SPATA16: variants seen among roughly 807,000 people sequenced by gnomAD.
SPATA16 encodes the protein spermatogenesis-associated protein 16.
A neutral mutation model predicts 63.3 loss-of-function variants in SPATA16; 36 were observed. That is an observed-to-expected ratio of 0.57 (90% CI 0.44 to 0.75). The LOEUF (loss-of-function observed/expected upper bound fraction) is 0.75, where lower values mean the gene tolerates loss of function less well. Among genes scored for constraint, SPATA16 ranks in the 30% least tolerant of loss-of-function variants. The pLI is 0.00. For synonymous variants in SPATA16, 203 were observed against 216.7 expected, an observed-to-expected ratio of 0.94 and a Z score of 0.56; for missense variants, 646 against 679.3, an observed-to-expected ratio of 0.95 and a Z score of 0.54.
Position 172,940,890 on chromosome 3 carries a change from G to A in SPATA16, c.1082-15398C>T, listed in dbSNP as rs182753592. On this transcript the variant is annotated intron_variant, in intron 6 of 10. Transcript: ENST00000351008. ...CACAGCTACTCGGGAGGCTGAGGCA[G>A]GAGAATTGCTTGAACCCGGGAGGCG... 1.6e-3 allele frequency among the ~76,000 whole-genome samples: 249 copies of A among 152,252 alleles called. 1 individual carries two copies. Among genetic ancestry groups the A allele is most frequent in the African/African-American group, 5.6e-3 (233 of 41,538 alleles).
Position 172,889,710 on chromosome 3 carries a change from A to G in SPATA16, c.1588-18T>C, listed in dbSNP as rs1369459616. The G allele has an allele frequency of 6.2e-7, 1 of 1,611,436 alleles. No homozygotes were observed. The highest frequency in any genetic ancestry group is 2.2e-5 in the East Asian group (1 of 44,872). On this transcript the variant is annotated intron_variant, in intron 10 of 10. Transcript: ENST00000351008. ...TGTCCAACCTAGAAGAAATAAACAGATGCAACAAGATTTGTTGTTGTTTTC... is the reference window on the plus strand; with the variant it reads ...TGTCCAACCTAGAAGAAATAAACAGGTGCAACAAGATTTGTTGTTGTTTTC...
At chr3:173,021,722 T>TTTATTTA (rs1735335234) in intron 3 of SPATA16, among the ~76,000 whole-genome samples, 4 of 139,656 alleles carry the variant, frequency 2.9e-5, no homozygotes, top group Non-Finnish European at 6.2e-5. Context: ...CCCTATTACT[T>TTTATTTA]TTTATTTATT....
chr3:173,005,202 T>C (rs1263134609), intron 4 of SPATA16, among the ~76,000 whole-genome samples: 1 of 151,866 alleles, frequency 6.6e-6, no homozygotes, highest in African/African-American at 2.4e-5. Context: ...CACAAGCCTG[T>C]AGTCCCAGCT....
At chr3:173,005,047 G>T (rs987337205) in intron 4 of SPATA16, among the ~76,000 whole-genome samples, 1 of 152,178 alleles carries the variant, frequency 6.6e-6, no homozygotes, top group African/African-American at 2.4e-5. Flanking sequence ...ATCAGGCCGG[G>T]TGCGGTGGCT....
intron 5 of SPATA16, among the ~76,000 whole-genome samples, chr3:172,967,790 G>A (rs1025702018): frequency 2.0e-5 from 3 of 152,130 alleles, no homozygotes; most frequent in African/African-American, 7.2e-5. Flanking sequence ...AGAATCTAAT[G>A]CCTGATGATC....
intron 2 of SPATA16, among the ~76,000 whole-genome samples, chr3:173,106,315 TG>T (rs1415739001): frequency 6.6e-6 from 1 of 152,152 alleles, no homozygotes; most frequent in Non-Finnish European, 1.5e-5. Flanking sequence ...TTTACCTTGG[TG>T]TTTTCTCTTT....
chr3:172,955,281 G>A (rs528408539), intron 6 of SPATA16, among the ~76,000 whole-genome samples: 10 of 152,118 alleles, frequency 6.6e-5, no homozygotes, highest in Non-Finnish European at 8.8e-5. Flanking sequence ...ATCTCTCTTC[G>A]TTACCAATGG....
At chr3:173,062,998 T>TGC (rs1736420906) in intron 2 of SPATA16, among the ~76,000 whole-genome samples, 1 of 152,206 alleles carries the variant, frequency 6.6e-6, no homozygotes, top group South Asian at 2.1e-4. Flanking sequence ...CCTCCTGCTG[T>TGC]GCGGCCCTGT....
At chr3:173,114,794 T>C (rs560855683) in intron 2 of SPATA16, among the ~76,000 whole-genome samples, 11 of 152,354 alleles carry the variant, frequency 7.2e-5, no homozygotes, top group African/African-American at 2.4e-4. Context: ...CTTTAAATGA[T>C]ATGTGAGAGC....
chr3:173,020,220 C>T (rs1196470900), intron 3 of SPATA16, among the ~76,000 whole-genome samples: 2 of 151,838 alleles, frequency 1.3e-5, no homozygotes, highest in African/African-American at 4.8e-5. Context: ...TTGCTTGAAC[C>T]CGGGAGGCAG....
chr3:173,080,915 A>G (rs1253050742), intron 2 of SPATA16, among the ~76,000 whole-genome samples: 1 of 152,206 alleles, frequency 6.6e-6, no homozygotes, highest in Non-Finnish European at 1.5e-5. Flanking sequence ...AATGATATAC[A>G]GGCTTGGAAA....
At chr3:173,074,434 A>G (rs1206876801) in intron 2 of SPATA16, among the ~76,000 whole-genome samples, 1 of 152,178 alleles carries the variant, frequency 6.6e-6, no homozygotes, top group Non-Finnish European at 1.5e-5. Context: ...GATTTTCTCC[A>G]TACTGTTCTC....
chr3:172,968,696 T>C (rs906349810), intron 5 of SPATA16, among the ~76,000 whole-genome samples: 3 of 151,988 alleles, frequency 2.0e-5, no homozygotes, highest in Non-Finnish European at 4.4e-5. Context: ...AACCAGCAAA[T>C]AATGTCACGG....
intron 6 of SPATA16, among the ~76,000 whole-genome samples, chr3:172,943,923 T>C (rs1733221079): frequency 6.6e-6 from 1 of 152,134 alleles, no homozygotes; most frequent in Admixed American, 6.5e-5. Flanking sequence ...ATTGTAAGAA[T>C]ATAGAAATAG....
At position 173,025,032 on chromosome 3, in the gene SPATA16, T is replaced by G. The variant is rs183241520; in HGVS notation, c.759-5457A>C. On this transcript the variant is annotated intron_variant, in intron 3 of 10. Transcript: ENST00000351008. ...CTTTAAAGAATTATTTAGGACAGCA[T>G]TGTTCAATTTCAAAAGGGTATTTTT... Among the ~76,000 whole-genome samples, 10 of 151,068 alleles carry G rather than the reference T, an allele frequency of 6.6e-5. No homozygotes were observed. In the East Asian group the frequency reaches 1.8e-3, roughly 27 times the overall value.
chr3:172,889,708 A>C lies in SPATA16; in HGVS notation c.1588-16T>G. The C allele has an allele frequency of 6.2e-7, 1 of 1,611,564 alleles. No homozygotes were observed. The highest frequency in any genetic ancestry group is 1.1e-5 in the South Asian group (1 of 91,012). ...TTTGTCCAACCTAGAAGAAATAAACAGATGCAACAAGATTTGTTGTTGTTT... is the reference window on the plus strand; with the variant it reads ...TTTGTCCAACCTAGAAGAAATAAACCGATGCAACAAGATTTGTTGTTGTTT... On this transcript the variant is annotated splice_polypyrimidine_tract_variant and intron_variant, in intron 10 of 10. Transcript: ENST00000351008.
intron 2 of SPATA16, among the ~76,000 whole-genome samples, chr3:173,056,211 A>G (rs1460475328): frequency 1.3e-5 from 2 of 152,218 alleles, no homozygotes; most frequent in Non-Finnish European, 2.9e-5. Context: ...TTGCTATAAA[A>G]TGAGGATTGT....
chr3:172,974,367 A>G (rs540665665), intron 5 of SPATA16, among the ~76,000 whole-genome samples: 1 of 152,072 alleles, frequency 6.6e-6, no homozygotes, highest in Non-Finnish European at 1.5e-5. Flanking sequence ...GTGCATGAAA[A>G]TACAGTCTCT....
In SPATA16 at chr3:173,057,157, G is replaced by T. The variant is rs368576573; in HGVS notation, c.613-8063C>A. ...GGCAGATTCTCGCTCTGTGGCCCAGGCTGGAGTGCAGTGGCGAGATCTTGG... is the reference window on the plus strand; with the variant it reads ...GGCAGATTCTCGCTCTGTGGCCCAGTCTGGAGTGCAGTGGCGAGATCTTGG... On this transcript the variant is annotated intron_variant, in intron 2 of 10. Coordinates refer to ENST00000351008, the MANE Select transcript of SPATA16 (RefSeq NM_031955.6). 8.6e-5 allele frequency among the ~76,000 whole-genome samples: 13 copies of T among 150,640 alleles called. 1 individual carries two copies. Among genetic ancestry groups the T allele is most frequent in the Admixed American group, 2.6e-4 (4 of 15,108 alleles).
Sources: allele counts gnomAD v4.1 joint callset (sites outside exome capture counted in the v4.1 genomes callset), GRCh38; gene constraint gnomAD v4.1.1; transcripts MANE v1.5; gene names NCBI Gene and HGNC (gene_info 2026-07-23, HGNC 2026-07-21).